Variants in CSMD1 observed in about 807,000 individuals in gnomAD.
The protein encoded by CSMD1 is CUB and Sushi multiple domains 1, also known as CUB and sushi domain-containing protein 1.
Under a neutral mutation model 417.5 loss-of-function variants are expected in CSMD1, and 213 were observed. The observed-to-expected ratio is 0.51, with a 90% CI of 0.46 to 0.57. CSMD1 has a LOEUF of 0.57. CSMD1 is among the 20% of genes least tolerant of loss of function. CSMD1 has a pLI of 0.00. For missense variants in CSMD1, 6,923 were observed against 4,529.7 expected (o/e 1.53, Z -15.17); for synonymous variants, 2,862 against 1,736.8 (o/e 1.65, Z -16.11).
At chr8:4,885,343 A>G (rs1354435037) in intron 1 of CSMD1, among the ~76,000 whole-genome samples, 1 of 151,980 alleles carries the variant, frequency 6.6e-6, no homozygotes, top group East Asian at 1.9e-4. Context: ...CTTGCCTAAT[A>G]TGCTTTCTAA....
chr8:3,447,907 G>A (rs993088893), intron 12 of CSMD1, among the ~76,000 whole-genome samples: 17 of 152,128 alleles, frequency 1.1e-4, no homozygotes, highest in East Asian at 1.9e-4. Flanking sequence ...TGTAACCCCA[G>A]AGGAGCTGGA....
intron 3 of CSMD1, among the ~76,000 whole-genome samples, chr8:4,356,601 C>T (rs1467462826): frequency 6.6e-6 from 1 of 152,178 alleles, no homozygotes; most frequent in East Asian, 1.9e-4. Context: ...ATCCTGTAAG[C>T]ATCTTGGCTG....
In CSMD1 at chr8:4,577,100, A is replaced by G. The variant is rs545998077; in HGVS notation, c.302+60242T>C. ...TATGATAATTTGTATATACACACAC[A>G]TATATAACGTGTATAATTTATGCTA... On this transcript the variant is annotated intron_variant, in intron 2 of 69. Transcript: ENST00000635120. Among the ~76,000 whole-genome samples, 5 of 152,292 alleles carry G rather than the reference A, an allele frequency of 3.3e-5. No homozygotes were observed. The East Asian group carries it at 9.7e-4, about 29-fold the overall frequency.
chr8:4,286,027 C>T (rs1046703647), intron 3 of CSMD1, among the ~76,000 whole-genome samples: 1 of 152,162 alleles, frequency 6.6e-6, no homozygotes. Context: ...GCTCTCTCTG[C>T]CTTGGCTTAG....
At chr8:4,356,215 C>A (rs1030777578) in intron 3 of CSMD1, among the ~76,000 whole-genome samples, 2 of 152,126 alleles carry the variant, frequency 1.3e-5, no homozygotes, top group African/African-American at 2.4e-5. Flanking sequence ...GTTTGGTTTT[C>A]CATTCCTGAG....
chr8:3,792,764 C>G (rs994184644), intron 5 of CSMD1, among the ~76,000 whole-genome samples: 1 of 152,134 alleles, frequency 6.6e-6, no homozygotes, highest in East Asian at 1.9e-4. Flanking sequence ...TGAGAACTGC[C>G]TTTTCATGCT....
intron 3 of CSMD1, among the ~76,000 whole-genome samples, chr8:4,325,695 G>A (rs1047453255): frequency 3.3e-5 from 5 of 152,048 alleles, no homozygotes; most frequent in African/African-American, 4.8e-5. Context: ...GCGAGATGCA[G>A]GATAAAACTC....
chr8:4,146,952 C>A (rs1175678139), intron 3 of CSMD1, among the ~76,000 whole-genome samples: 1 of 144,262 alleles, frequency 6.9e-6, no homozygotes, highest in Admixed American at 6.7e-5. Context: ...ACCTCACCGG[C>A]ATCAGGCATC....
intron 7 of CSMD1, among the ~76,000 whole-genome samples, chr8:3,619,746 T>C (rs926695673): frequency 6.6e-6 from 1 of 151,578 alleles, no homozygotes; most frequent in Non-Finnish European, 1.5e-5. Flanking sequence ...AATAAGACTA[T>C]CAACAGGTTT....
At chr8:3,790,727 C>A (rs911862691) in intron 5 of CSMD1, among the ~76,000 whole-genome samples, 3 of 152,152 alleles carry the variant, frequency 2.0e-5, no homozygotes, top group Non-Finnish European at 4.4e-5. Flanking sequence ...AACACCCAAA[C>A]TTCTCCATTT....
chr8:3,385,573 A>G (rs1004556053), intron 18 of CSMD1, among the ~76,000 whole-genome samples: 2 of 152,154 alleles, frequency 1.3e-5, no homozygotes, highest in Non-Finnish European at 2.9e-5. Flanking sequence ...CAAGGAGTAT[A>G]TCCTGTTCTT....
chr8:3,086,668 C>A (rs948192145), intron 49 of CSMD1, among the ~76,000 whole-genome samples: 1 of 152,122 alleles, frequency 6.6e-6, no homozygotes, highest in Non-Finnish European at 1.5e-5. Context: ...CTTTAACAAG[C>A]TCTAGATTTA....
At chr8:4,516,636 T>A (rs542450827) in intron 2 of CSMD1, among the ~76,000 whole-genome samples, 1 of 152,232 alleles carries the variant, frequency 6.6e-6, no homozygotes, top group African/African-American at 2.4e-5. Context: ...TAAAACCTGT[T>A]GTGTGATCCT....
chr8:4,819,386 G>C (rs1037420959), intron 1 of CSMD1, among the ~76,000 whole-genome samples: 2 of 152,002 alleles, frequency 1.3e-5, no homozygotes, highest in Non-Finnish European at 2.9e-5. Flanking sequence ...TCTCAAATTT[G>C]TTTCATTTTA....
chr8:4,095,612 C>T (rs940957497), intron 3 of CSMD1, among the ~76,000 whole-genome samples: 1 of 152,130 alleles, frequency 6.6e-6, no homozygotes, highest in Non-Finnish European at 1.5e-5. Flanking sequence ...TAATGTGCAC[C>T]TGCAGAGCTG....
intron 22 of CSMD1, among the ~76,000 whole-genome samples, chr8:3,345,526 T>A (rs1028270430): frequency 2.6e-5 from 4 of 152,188 alleles, no homozygotes; most frequent in African/African-American, 9.7e-5. Flanking sequence ...GTCAGAAGAC[T>A]TGATTTCTGA....
At chr8:3,609,191 T>C (rs552678787) in intron 8 of CSMD1, among the ~76,000 whole-genome samples, 1 of 152,326 alleles carries the variant, frequency 6.6e-6, no homozygotes, top group South Asian at 2.1e-4. Context: ...AACATGAGGA[T>C]AATTACATCT....
chr8:3,704,419 T>A (rs1291658568), intron 7 of CSMD1, among the ~76,000 whole-genome samples: 2 of 152,130 alleles, frequency 1.3e-5, no homozygotes, highest in Non-Finnish European at 2.9e-5. Context: ...TCCACAGTTA[T>A]ACAAACAAGA....
At chr8:4,241,411 T>G (rs543837524) in intron 3 of CSMD1, among the ~76,000 whole-genome samples, 4 of 152,318 alleles carry the variant, frequency 2.6e-5, no homozygotes, top group African/African-American at 9.6e-5. Context: ...GCTAACCCCA[T>G]GTTAAACTTC....
Sources: gnomAD v4.1 joint callset for allele counts (sites outside exome capture counted in the v4.1 genomes callset) on GRCh38, gnomAD v4.1.1 for gene constraint, MANE v1.5 for transcripts, NCBI Gene and HGNC (gene_info 2026-07-23, HGNC 2026-07-21) for gene names.